The following RORA variants were observed in gnomAD, a reference collection of about 807,000 sequenced individuals.
The protein encoded by RORA is RAR related orphan receptor A.
Under a neutral mutation model 69.5 loss-of-function variants are expected in RORA, and 7 were observed. The ratio of observed to expected loss-of-function variants is 0.10; its 90% CI spans 0.06 to 0.19. The LOEUF is 0.19. RORA is among the 10% of genes least tolerant of loss of function. The probability of loss-of-function intolerance (pLI) is 1.00; values close to 1 mark genes in which losing one functional copy is unlikely to be tolerated. For synonymous variants in RORA, 261 were observed against 240.8 expected (o/e 1.08, Z -0.78); for missense variants, 457 against 663.0 (o/e 0.69, Z 3.41).
intron 1 of RORA, among the ~76,000 whole-genome samples, chr15:61,142,505 AT>A (rs2079309360): frequency 6.6e-6 from 1 of 151,914 alleles, no homozygotes; most frequent in Non-Finnish European, 1.5e-5. Flanking sequence ...CTTTTAAGTT[AT>A]TTTTCCAAAA....
intron 1 of RORA, among the ~76,000 whole-genome samples, chr15:60,687,677 C>A (rs753068505): frequency 7.2e-5 from 11 of 152,164 alleles, no homozygotes; most frequent in Non-Finnish European, 1.2e-4. Context: ...TCACTTGAAC[C>A]CAGGAAGTAG....
At chr15:60,880,084 A>T (rs928361890) in intron 1 of RORA, among the ~76,000 whole-genome samples, 3 of 152,180 alleles carry the variant, frequency 2.0e-5, no homozygotes, top group Admixed American at 6.5e-5. Flanking sequence ...AGTTGTAAGG[A>T]GCAGTTCTGC....
intron 1 of RORA, among the ~76,000 whole-genome samples, chr15:61,170,595 C>T (rs929285366): frequency 4.6e-5 from 7 of 152,122 alleles, no homozygotes; most frequent in South Asian, 2.1e-4. Flanking sequence ...GTATGGACTT[C>T]GCTATTTTGC....
chr15:60,777,497 T>C (rs2072186637), intron 1 of RORA, among the ~76,000 whole-genome samples: 1 of 152,192 alleles, frequency 6.6e-6, no homozygotes, highest in Non-Finnish European at 1.5e-5. Flanking sequence ...CTTCTATCTC[T>C]AAAATGGCAT....
At chr15:60,604,814 T>C (rs1251368793) in intron 2 of RORA, among the ~76,000 whole-genome samples, 1 of 152,202 alleles carries the variant, frequency 6.6e-6, no homozygotes, top group African/African-American at 2.4e-5. Flanking sequence ...TTTCCTCTCC[T>C]GTACAACTGA....
At chr15:60,957,645 T>C (rs923423384) in intron 1 of RORA, among the ~76,000 whole-genome samples, 12 of 152,184 alleles carry the variant, frequency 7.9e-5, no homozygotes, top group African/African-American at 2.9e-4. Flanking sequence ...TACTAATTAT[T>C]TTGAAATAGC....
intron 1 of RORA, among the ~76,000 whole-genome samples, chr15:61,175,313 G>A (rs895256329): frequency 1.3e-5 from 2 of 152,066 alleles, no homozygotes; most frequent in African/African-American, 4.8e-5. Context: ...AGTCCTCAAT[G>A]AGCACAAATG....
chr15:60,872,706 T>C (rs1275903899), intron 1 of RORA, among the ~76,000 whole-genome samples: 1 of 152,186 alleles, frequency 6.6e-6, no homozygotes, highest in East Asian at 1.9e-4. Flanking sequence ...AGTTCTTTCC[T>C]ATGGCAGTAC....
chr15:61,095,254 G>T (rs1226083130), intron 1 of RORA, among the ~76,000 whole-genome samples: 2 of 152,102 alleles, frequency 1.3e-5, no homozygotes, highest in African/African-American at 4.8e-5. Context: ...GCTCTGAAGG[G>T]TATATGCCGA....
At chr15:61,183,940 C>T (rs979731000) in intron 1 of RORA, among the ~76,000 whole-genome samples, 1 of 152,078 alleles carries the variant, frequency 6.6e-6, no homozygotes, top group African/African-American at 2.4e-5. Context: ...AATGGGAAGG[C>T]AAAGTTTCCT....
At chr15:60,979,441 G>A (rs1185776712) in intron 1 of RORA, among the ~76,000 whole-genome samples, 1 of 152,106 alleles carries the variant, frequency 6.6e-6, no homozygotes, top group African/African-American at 2.4e-5. Flanking sequence ...ATATCAATCA[G>A]GGGAGTATTC....
intron 2 of RORA, among the ~76,000 whole-genome samples, chr15:60,576,789 C>G (rs1211090082): frequency 1.3e-5 from 2 of 152,142 alleles, no homozygotes; most frequent in East Asian, 1.9e-4. Context: ...GGCTTTCCAT[C>G]TCTACACACA....
At chr15:60,734,600 G>T (rs1397620676) in intron 1 of RORA, among the ~76,000 whole-genome samples, 1 of 152,178 alleles carries the variant, frequency 6.6e-6, no homozygotes. Flanking sequence ...ATGGCCCACT[G>T]TTAGATTTCT....
At chr15:60,506,901 C>T (rs1398136910) in intron 5 of RORA, among the ~76,000 whole-genome samples, 1 of 151,882 alleles carries the variant, frequency 6.6e-6, no homozygotes. Context: ...GCAGGAGAAT[C>T]GCTTGAACCT....
chr15:60,940,006 C>G (rs1892643930), intron 1 of RORA, among the ~76,000 whole-genome samples: 1 of 152,194 alleles, frequency 6.6e-6, no homozygotes, highest in East Asian at 1.9e-4. Context: ...AATAGGCCAT[C>G]ATGTCAGCTT....
chr15:61,050,273 G>A (rs1181903392), intron 1 of RORA, among the ~76,000 whole-genome samples: 3 of 152,160 alleles, frequency 2.0e-5, no homozygotes, highest in Admixed American at 6.5e-5. Context: ...GGCTCACAAA[G>A]TCTAAAATAT....
intron 1 of RORA, among the ~76,000 whole-genome samples, chr15:60,788,843 CCTGT>C (rs1455325694): frequency 2.0e-5 from 3 of 152,226 alleles, no homozygotes; most frequent in East Asian, 1.9e-4. Flanking sequence ...TTTCTCTCTG[CCTGT>C]CTAATTAACT....
At chr15:60,831,328 G>A (rs1270577270) in intron 1 of RORA, among the ~76,000 whole-genome samples, 1 of 152,188 alleles carries the variant, frequency 6.6e-6, no homozygotes, top group Non-Finnish European at 1.5e-5. Flanking sequence ...TGCCTCGCAG[G>A]GGTCACCCTC....
rs138296469 is a variant in RORA, at chr15:60,929,957, A to T, written c.167-251271T>A. ...TTTTGGATCAACACGTGCTGCTTAG[A>T]GTCTCTGGTGCATGCCTCTGAACTT... On this transcript the variant is annotated intron_variant, in intron 1 of 10. Transcript: ENST00000335670. 5.5e-3 allele frequency among the ~76,000 whole-genome samples: 837 copies of T among 152,238 alleles called. 4 individuals are homozygous for T. The highest frequency in any genetic ancestry group is 6.9e-3 in the Non-Finnish European group (472 of 68,016).
Sources: gnomAD v4.1 joint callset for allele counts (sites outside exome capture counted in the v4.1 genomes callset) on GRCh38, gnomAD v4.1.1 for gene constraint, MANE v1.5 for transcripts, NCBI Gene and HGNC (gene_info 2026-07-23, HGNC 2026-07-21) for gene names.